Variants in SVOP observed in about 807,000 individuals in gnomAD.
The protein encoded by SVOP is SV2 related protein.
In SVOP, 17 loss-of-function variants were observed where a neutral mutation model predicts 69.1. The observed-to-expected ratio is 0.25, with a 90% CI of 0.17 to 0.37. The LOEUF is 0.37. Ranked by LOEUF, SVOP falls within the 10% of genes least tolerant of loss-of-function variation. The pLI is 1.00. For synonymous variants in SVOP, 238 were observed against 238.6 expected (o/e 1.00, Z 0.02); for missense variants, 435 against 597.5 (o/e 0.73, Z 2.84).
At chr12:108,926,213 C>A (rs903835826) in intron 11 of SVOP, among the ~76,000 whole-genome samples, 1 of 152,186 alleles carries the variant, frequency 6.6e-6, no homozygotes, top group Admixed American at 6.5e-5. Context: ...AGCCACCACA[C>A]CTGGGCTTGT....
intron 2 of SVOP, among the ~76,000 whole-genome samples, chr12:108,983,160 T>A (rs1286883228): frequency 6.6e-6 from 1 of 151,672 alleles, no homozygotes; most frequent in African/African-American, 2.4e-5. Flanking sequence ...ACCATTGTCA[T>A]CACCATCATC....
chr12:108,980,610 C>T (rs1281650204), intron 2 of SVOP, among the ~76,000 whole-genome samples: 31,656 of 124,918 alleles, frequency 0.25, 4,554 homozygotes, highest in African/African-American at 0.34. Flanking sequence ...ATTAGCTGGG[C>T]GCGGTGGCGG....
chr12:108,969,201 T>A (rs1054782112), intron 5 of SVOP, among the ~76,000 whole-genome samples: 1 of 152,162 alleles, frequency 6.6e-6, no homozygotes, highest in Non-Finnish European at 1.5e-5. Flanking sequence ...GACTCTGTTT[T>A]ATTTTCAGAG....
chr12:109,020,755 C>CCCCT (rs1555254160), intron 1 of SVOP, 79 bp downstream of exon 1: 5 of 174,540 alleles, frequency 2.9e-5, no homozygotes, highest in Non-Finnish European at 5.9e-5. Context: ...CAGAGATGTA[C>CCCCT]CCCCCCCCAC....
chr12:108,927,592 T>C (rs1020516694), intron 11 of SVOP, among the ~76,000 whole-genome samples: 10 of 50,948 alleles, frequency 2.0e-4, no homozygotes, highest in Non-Finnish European at 6.4e-4. Context: ...TCTCTCTCTT[T>C]TTTTTTTTTT....
intron 4 of SVOP, 90 bp downstream of exon 4, chr12:108,977,308 C>A: frequency 7.0e-7 from 1 of 1,435,750 alleles, no homozygotes; most frequent in South Asian, 1.3e-5. Flanking sequence ...TTCTGCTGAG[C>A]CTTCGGCAGC....
At chr12:109,014,077 G>C (rs898050278) in intron 1 of SVOP, among the ~76,000 whole-genome samples, 1 of 146,662 alleles carries the variant, frequency 6.8e-6, no homozygotes, top group African/African-American at 2.5e-5. Context: ...GTGCCACGGT[G>C]TGATCTCAGC....
At chr12:108,954,004 C>T (rs914307770) in intron 6 of SVOP, among the ~76,000 whole-genome samples, 9 of 148,346 alleles carry the variant, frequency 6.1e-5, no homozygotes, top group Non-Finnish European at 8.9e-5. Context: ...CCCAGCTACT[C>T]GGGAAGCTGA....
chr12:108,984,415 C>A (rs2040156849), intron 1 of SVOP, among the ~76,000 whole-genome samples: 1 of 152,198 alleles, frequency 6.6e-6, no homozygotes, highest in East Asian at 1.9e-4. Context: ...CACATTCCTG[C>A]ATTGGAATTG....
chr12:108,955,313 T>C (rs1164613409), intron 6 of SVOP, among the ~76,000 whole-genome samples: 2 of 152,220 alleles, frequency 1.3e-5, no homozygotes, highest in African/African-American at 4.8e-5. Flanking sequence ...TCGTCCTCAA[T>C]GAACTCATCA....
chr12:108,981,964 A>G (rs1433489740), intron 2 of SVOP, among the ~76,000 whole-genome samples: 1 of 151,794 alleles, frequency 6.6e-6, no homozygotes, highest in Non-Finnish European at 1.5e-5. Context: ...CATCATCTTC[A>G]TCATCATCAC....
At chr12:108,982,558 C>T (rs1045927774) in intron 2 of SVOP, among the ~76,000 whole-genome samples, 233 of 151,324 alleles carry the variant, frequency 1.5e-3, no homozygotes, top group Non-Finnish European at 2.8e-3. Flanking sequence ...CCGTCATCAT[C>T]GTCACCATCA....
At chr12:108,990,710 TA>T (rs2040195131) in intron 1 of SVOP, among the ~76,000 whole-genome samples, 1 of 151,168 alleles carries the variant, frequency 6.6e-6, no homozygotes, top group South Asian at 2.1e-4. Flanking sequence ...AATAAATAAA[TA>T]AATAAACAAA....
At chr12:109,015,742 G>A (rs2135634730) in intron 1 of SVOP, among the ~76,000 whole-genome samples, 1 of 152,232 alleles carries the variant, frequency 6.6e-6, no homozygotes, top group East Asian at 1.9e-4. Context: ...GCGGTGAGCT[G>A]AGATCACACC....
chr12:108,974,613 C>T (rs1010006596), intron 4 of SVOP, among the ~76,000 whole-genome samples: 1 of 151,740 alleles, frequency 6.6e-6, no homozygotes, highest in Admixed American at 6.6e-5. Context: ...TGTCTTTGGT[C>T]CCAGCTGCTC....
chr12:108,982,663 C>T (rs908349572), intron 2 of SVOP, among the ~76,000 whole-genome samples: 8 of 148,234 alleles, frequency 5.4e-5, no homozygotes, highest in Non-Finnish European at 1.0e-4. Flanking sequence ...TCATCATGAT[C>T]ACCATCATTA....
Position 108,910,572 on chromosome 12 carries a change from A to G in SVOP, c.*1963T>C, listed in dbSNP as rs2137380864. Reference sequence around the variant, plus strand: ...GAGAGAGACAGAGATCTGCCAAGCCATCTCCTCTTCAACTGCCTGGGCGGA... The same window carrying G: ...GAGAGAGACAGAGATCTGCCAAGCCGTCTCCTCTTCAACTGCCTGGGCGGA... On this transcript the variant is annotated 3_prime_UTR_variant, in exon 16 of 16. Transcript: ENST00000610966. The G allele has an allele frequency of 6.6e-6, 1 of 152,374 alleles. No individual in the cohort carries two copies. Among genetic ancestry groups the G allele is most frequent in the East Asian group, 1.9e-4 (1 of 5,192 alleles). The allele number at this position is 152,374 out of a possible 1,614,324, so 9.4% of individuals were successfully genotyped here.
Position 108,935,522 on chromosome 12 carries a change from C to T in SVOP, c.972-1251G>A, listed in dbSNP as rs561451604. ...ATCCTTTTAAAAAATTCTGCAGGCT[C>T]ACTGAGTTAATTGAGCTCTTAGGAA... On this transcript the variant is annotated intron_variant, in intron 10 of 15. Transcript: ENST00000610966. Among the ~76,000 whole-genome samples, 473 of 152,288 alleles carry T rather than the reference C, an allele frequency of 3.1e-3. 7 individuals are homozygous for T. The highest frequency in any genetic ancestry group is 0.011 in the African/African-American group (442 of 41,552).
intron 1 of SVOP, 76 bp downstream of exon 1, chr12:109,020,758 C>CCCT: frequency 3.4e-6 from 1 of 293,768 alleles, no homozygotes; most frequent in African/African-American, 2.5e-5. Flanking sequence ...AGATGTACCC[C>CCCT]CCCCCACCCC....
Sources: allele counts gnomAD v4.1 joint callset (sites outside exome capture counted in the v4.1 genomes callset), GRCh38; gene constraint gnomAD v4.1.1; transcripts MANE v1.5; gene names NCBI Gene and HGNC (gene_info 2026-07-23, HGNC 2026-07-21).